Variants in PCDHGA8 observed in about 807,000 individuals in gnomAD.
PCDHGA8 encodes the protein protocadherin gamma subfamily A, 8, also known as protocadherin gamma-A8.
Under a neutral mutation model 59.2 loss-of-function variants are expected in PCDHGA8, and 45 were observed. The observed-to-expected ratio is 0.76, with a 90% CI of 0.60 to 0.98. The LOEUF (loss-of-function observed/expected upper bound fraction) is 0.98. PCDHGA8 is among the 50% of genes least tolerant of loss of function. The probability of loss-of-function intolerance (pLI) is 0.00; values close to 1 mark genes in which losing one functional copy is unlikely to be tolerated. For missense variants in PCDHGA8, 1,257 were observed against 1,196.2 expected, an observed-to-expected ratio of 1.05 and a Z score of -0.75; for synonymous variants, 531 against 519.0, an observed-to-expected ratio of 1.02 and a Z score of -0.32.
chr5:141,410,462 CTG>C (rs1258642453), intron 1 of PCDHGA8: 1 of 1,613,924 alleles, frequency 6.2e-7, no homozygotes, highest in East Asian at 2.2e-5. Context: ...TTCTTATAAT[CTG>C]TGCATTGCAC....
At chr5:141,417,699 C>A (rs2096148616) in intron 1 of PCDHGA8, 1 of 1,164,548 alleles carries the variant, frequency 8.6e-7, no homozygotes, top group Non-Finnish European at 1.2e-6. Context: ...AACCAGCTCC[C>A]ACACAGAGGC....
At position 141,485,430 on chromosome 5, in the gene PCDHGA8, T is replaced by C; in HGVS notation, c.2425-9377T>C. The C allele has an allele frequency of 6.2e-7, 1 of 1,614,138 alleles. No individual in the cohort carries two copies. Among genetic ancestry groups the C allele is most frequent in the Non-Finnish European group, 8.5e-7 (1 of 1,180,022 alleles). On this transcript the variant is annotated intron_variant, in intron 1 of 3. Transcript: ENST00000398604. The surrounding 1 kb of genome is among the most constrained non-coding windows in gnomAD (Gnocchi z 5.7). ...GATTTGGACAGCGGAGCCCTGCTCA[T>C]CAAGAACCCAATCGACCGAGAGGCA... is the stretch of plus-strand genomic sequence containing the variant.
At chr5:141,419,548 G>C in intron 1 of PCDHGA8, 1 of 1,611,976 alleles carries the variant, frequency 6.2e-7, no homozygotes, top group Non-Finnish European at 8.5e-7. Context: ...CGCGGGTGCT[G>C]TACCCTGCGC....
At chr5:141,414,100 G>A (rs1293589634) in intron 1 of PCDHGA8, 2 of 1,593,288 alleles carry the variant, frequency 1.3e-6, no homozygotes. Context: ...AAAAATATCA[G>A]AAAATCTAGA....
At chr5:141,470,323 A>G (rs1029928511) in intron 1 of PCDHGA8, among the ~76,000 whole-genome samples, 1 of 152,188 alleles carries the variant, frequency 6.6e-6, no homozygotes, top group Non-Finnish European at 1.5e-5. Context: ...AAATGATCCC[A>G]TAATTTGACC....
rs143083513 is a variant in PCDHGA8 at position 141,431,088 on chromosome 5, T to C, written c.2424+35851T>C. On this transcript the variant is annotated intron_variant, in intron 1 of 3. Coordinates refer to ENST00000398604, the MANE Select transcript of PCDHGA8 (RefSeq NM_032088.2). This position sits in a 1 kb window ranked among gnomAD's most constrained non-coding sequence, Gnocchi z 4.8. The stretch of plus-strand genomic sequence containing the variant: ...TGTCAATTAAATCTAGACATTCTGA[T>C]GGAGGATAAAGTGAAAATATATGGA... 106 of 1,614,180 alleles carry C rather than the reference T, an allele frequency of 6.6e-5. 1 individual carries two copies. The highest frequency in any genetic ancestry group is 3.1e-4 in the East Asian group (14 of 44,890).
intron 1 of PCDHGA8, chr5:141,421,352 AGG>A: frequency 6.2e-7 from 1 of 1,613,946 alleles, no homozygotes; most frequent in Non-Finnish European, 8.5e-7. Context: ...GAGACCGAAA[AGG>A]GCTCCTTCGT....
chr5:141,413,906 C>G, intron 1 of PCDHGA8: 1 of 1,613,310 alleles, frequency 6.2e-7, no homozygotes. Context: ...GACAACGCGC[C>G]GGTCTTCACC....
intron 1 of PCDHGA8, chr5:141,405,444 G>C: frequency 7.2e-7 from 1 of 1,379,466 alleles, no homozygotes; most frequent in Non-Finnish European, 1.0e-6. Flanking sequence ...TTTTGAGACA[G>C]AGTCTTACTC....
Position 141,432,108 on chromosome 5 carries a change from C to T in PCDHGA8, c.2424+36871C>T, listed in dbSNP as rs1432933024. The T allele has an allele frequency of 1.9e-6, 3 of 1,614,180 alleles. No homozygotes were observed. The highest frequency in any genetic ancestry group is 1.7e-5 in the Admixed American group (1 of 60,020). Reference sequence around the variant, plus strand: ...GTGGCAGACACCAACGACAACCCGCCGGTCTTCCCTCAGGCCTCCTATTCC... The same window carrying T: ...GTGGCAGACACCAACGACAACCCGCTGGTCTTCCCTCAGGCCTCCTATTCC... On this transcript the variant is annotated intron_variant, in intron 1 of 3. Coordinates refer to ENST00000398604, the MANE Select transcript of PCDHGA8 (RefSeq NM_032088.2). The surrounding 1 kb of genome is among the most constrained non-coding windows in gnomAD (Gnocchi z 6.0).
chr5:141,422,243 T>C, intron 1 of PCDHGA8: 12 of 1,566,082 alleles, frequency 7.7e-6, no homozygotes, highest in Non-Finnish European at 1.0e-5. Flanking sequence ...ATCACTGTTG[T>C]GGATGTGAAT....
intron 1 of PCDHGA8, chr5:141,426,946 C>A (rs565370434): frequency 2.2e-6 from 1 of 456,786 alleles, no homozygotes; most frequent in South Asian, 1.5e-5. Flanking sequence ...CCAGTCCCAA[C>A]TGGCACTGCT....
At chr5:141,415,859 T>C in intron 1 of PCDHGA8, 1 of 1,187,664 alleles carries the variant, frequency 8.4e-7, no homozygotes, top group Non-Finnish European at 1.1e-6. Context: ...CCTTGTAGTT[T>C]ATAGTGTTGT....
intron 1 of PCDHGA8, among the ~76,000 whole-genome samples, chr5:141,435,698 A>G (rs954167256): frequency 1.3e-5 from 2 of 152,184 alleles, no homozygotes; most frequent in African/African-American, 4.8e-5. Context: ...CTTATTGTAG[A>G]GTGGTTACAG....
Position 141,392,746 on chromosome 5 carries a change from G to A in PCDHGA8, c.-68G>A, listed in dbSNP as rs970809453. 2.8e-6 allele frequency: 4 copies of A among 1,443,856 alleles called. No homozygotes were observed. Among genetic ancestry groups the A allele is most frequent in the Non-Finnish European group, 3.6e-6 (4 of 1,096,568 alleles). The allele number at this position is 1,443,856 out of a possible 1,614,324, so 89.4% of individuals were successfully genotyped here. A position where few individuals can be genotyped will look rare whatever the true frequency, so the allele number is the denominator to read the frequency against. ...GAGGATTGTCATCTCCATAGCTGCG[G>A]CAAGAAACTAAATAAGACCCATTTA... On this transcript the variant is annotated 5_prime_UTR_variant, in exon 1 of 4. Coordinates refer to ENST00000398604, the MANE Select transcript of PCDHGA8 (RefSeq NM_032088.2).
At chr5:141,495,175 C>T (rs1337353259) in intron 2 of PCDHGA8, among the ~76,000 whole-genome samples, 1 of 152,182 alleles carries the variant, frequency 6.6e-6, no homozygotes, top group Admixed American at 6.5e-5. Context: ...TGGGTGAAAG[C>T]GAGGCTTTCT....
At chr5:141,415,589 T>A in intron 1 of PCDHGA8, 1 of 1,614,062 alleles carries the variant, frequency 6.2e-7, no homozygotes, top group East Asian at 2.2e-5. Flanking sequence ...AAGTTTCCTA[T>A]AGAGGATACC....
chr5:141,421,235 A>G (rs1375447356), intron 1 of PCDHGA8: 3 of 1,594,470 alleles, frequency 1.9e-6, no homozygotes, highest in East Asian at 2.2e-5. Context: ...GCCATGGCGA[A>G]TCGGCTACAG....
chr5:141,450,842 T>TTTTA (rs1387012749), intron 1 of PCDHGA8, among the ~76,000 whole-genome samples: 1 of 148,196 alleles, frequency 6.7e-6, no homozygotes, highest in African/African-American at 2.5e-5. Context: ...TTTTTTTTTT[T>TTTTA]GAGATGGGGT....
Sources: allele counts gnomAD v4.1 joint callset (sites outside exome capture counted in the v4.1 genomes callset), GRCh38; gene constraint gnomAD v4.1.1; non-coding constraint Gnocchi (gnomAD v3.1); transcripts MANE v1.5; gene names NCBI Gene and HGNC (gene_info 2026-07-23, HGNC 2026-07-21).